GRIK1: variants seen among roughly 807,000 people sequenced by gnomAD.
GRIK1 encodes glutamate receptor ionotropic, kainate 1.
GRIK1 carries 69 observed loss-of-function variants against 105.7 expected under a neutral mutation model. That is an observed-to-expected ratio of 0.65 (90% CI 0.54 to 0.80). GRIK1 has a LOEUF of 0.80. GRIK1 is among the 30% of genes least tolerant of loss of function. GRIK1 has a pLI of 0.00. For synonymous variants in GRIK1, 438 were observed against 431.3 expected, an observed-to-expected ratio of 1.02 and a Z score of -0.19; for missense variants, 1,109 against 1,167.3, an observed-to-expected ratio of 0.95 and a Z score of 0.73.
chr21:29,549,679 G>T (rs9982017), intron 16 of GRIK1, among the ~76,000 whole-genome samples: 130,975 of 152,080 alleles, frequency 0.86, 56,851 homozygotes, highest in African/African-American at 0.96. Flanking sequence ...AAAAAAAATT[G>T]TTTTCCTTTC....
At chr21:29,580,282 A>T (rs978636470) in intron 13 of GRIK1, among the ~76,000 whole-genome samples, 1 of 151,624 alleles carries the variant, frequency 6.6e-6, no homozygotes, top group Non-Finnish European at 1.5e-5. Flanking sequence ...AATTAAATAC[A>T]TGGGTAAAGT....
intron 1 of GRIK1, among the ~76,000 whole-genome samples, chr21:29,792,168 A>G (rs2066436787): frequency 6.6e-6 from 1 of 152,146 alleles, no homozygotes; most frequent in Non-Finnish European, 1.5e-5. Context: ...GTGTATATGT[A>G]TGTGTATATG....
At chr21:29,831,363 C>T (rs190292681) in intron 1 of GRIK1, among the ~76,000 whole-genome samples, 77 of 152,246 alleles carry the variant, frequency 5.1e-4, no homozygotes, top group East Asian at 9.7e-4. Context: ...CTTTTGCATA[C>T]GCTATGCCTT....
intron 1 of GRIK1, among the ~76,000 whole-genome samples, chr21:29,812,585 T>G (rs2067040324): frequency 1.3e-5 from 2 of 152,178 alleles, no homozygotes; most frequent in African/African-American, 4.8e-5. Context: ...AGATCAGGGT[T>G]CCAAACTTGT....
At chr21:29,716,157 T>A (rs999232798) in intron 1 of GRIK1, among the ~76,000 whole-genome samples, 9 of 152,274 alleles carry the variant, frequency 5.9e-5, no homozygotes, top group African/African-American at 2.2e-4. Context: ...GATTGTAAGT[T>A]TCCTGAGGCC....
intron 16 of GRIK1, among the ~76,000 whole-genome samples, chr21:29,543,757 GAAATA>G (rs2090008040): frequency 6.6e-6 from 1 of 152,214 alleles, no homozygotes; most frequent in African/African-American, 2.4e-5. Context: ...TCTAGCCACT[GAAATA>G]AAATGTACAA....
chr21:29,939,320 T>C, intron 1 of GRIK1, 63 bp downstream of exon 1: 1 of 993,830 alleles, frequency 1.0e-6, no homozygotes, highest in Admixed American at 2.0e-5. Flanking sequence ...CGGGACCCGC[T>C]ACACCCGCGT....
chr21:29,826,064 C>A (rs570810655), intron 1 of GRIK1, among the ~76,000 whole-genome samples: 2 of 152,218 alleles, frequency 1.3e-5, no homozygotes, highest in East Asian at 3.9e-4. Flanking sequence ...AAGTGTAATG[C>A]ACAGAGCTTG....
intron 3 of GRIK1, among the ~76,000 whole-genome samples, chr21:29,675,571 T>G (rs2063249671): frequency 2.0e-5 from 3 of 152,190 alleles, no homozygotes; most frequent in Non-Finnish European, 4.4e-5. Flanking sequence ...TTCTCACTTC[T>G]TTCATTTATT....
chr21:29,648,399 A>G (rs1443394898), intron 6 of GRIK1, among the ~76,000 whole-genome samples: 1 of 152,202 alleles, frequency 6.6e-6, no homozygotes, highest in Non-Finnish European at 1.5e-5. Context: ...AATCATGCAC[A>G]TTCACATATA....
At chr21:29,754,096 CTG>C (rs1041347113) in intron 1 of GRIK1, among the ~76,000 whole-genome samples, 1 of 152,136 alleles carries the variant, frequency 6.6e-6, no homozygotes, top group African/African-American at 2.4e-5. Context: ...GGTGACAACT[CTG>C]TGTGTAAATT....
At chr21:29,745,525 A>G (rs1474114061) in intron 1 of GRIK1, among the ~76,000 whole-genome samples, 1 of 152,266 alleles carries the variant, frequency 6.6e-6, no homozygotes, top group Non-Finnish European at 1.5e-5. Flanking sequence ...GACAACTAAT[A>G]CACTTGACTT....
At chr21:29,715,872 A>G (rs2064165008) in intron 1 of GRIK1, among the ~76,000 whole-genome samples, 1 of 152,144 alleles carries the variant, frequency 6.6e-6, no homozygotes, top group Admixed American at 6.6e-5. Flanking sequence ...TCCTTACAAT[A>G]CATTACTTTA....
intron 4 of GRIK1, among the ~76,000 whole-genome samples, chr21:29,655,301 G>A (rs865918629): frequency 1.3e-5 from 2 of 152,080 alleles, no homozygotes; most frequent in Non-Finnish European, 2.9e-5. Context: ...CCAGCTACTC[G>A]GGAGGCTGAG....
At chr21:29,719,081 C>CATATATATATATATATAT (rs71335089) in intron 1 of GRIK1, among the ~76,000 whole-genome samples, 13 of 143,328 alleles carry the variant, frequency 9.1e-5, no homozygotes, top group African/African-American at 1.8e-4. Context: ...TGTGTATATA[C>CATATATATATATATATAT]ATATATATAT....
intron 8 of GRIK1, among the ~76,000 whole-genome samples, chr21:29,597,100 T>C (rs1481211726): frequency 6.6e-6 from 1 of 152,202 alleles, no homozygotes; most frequent in Non-Finnish European, 1.5e-5. Context: ...TAATTTTCCC[T>C]ATTGACTCCA....
At chr21:29,916,556 G>T (rs936778337) in intron 1 of GRIK1, among the ~76,000 whole-genome samples, 2 of 151,866 alleles carry the variant, frequency 1.3e-5, no homozygotes, top group African/African-American at 4.8e-5. Flanking sequence ...AAAGGGGCTT[G>T]GAGGGAGGGA....
intron 1 of GRIK1, among the ~76,000 whole-genome samples, chr21:29,773,294 G>A (rs1055077488): frequency 6.6e-6 from 1 of 152,146 alleles, no homozygotes; most frequent in African/African-American, 2.4e-5. Flanking sequence ...TTTTCTCTAG[G>A]CTTCAACTCA....
At chr21:29,822,684 A>G (rs2067337974) in intron 1 of GRIK1, among the ~76,000 whole-genome samples, 1 of 152,020 alleles carries the variant, frequency 6.6e-6, no homozygotes, top group Non-Finnish European at 1.5e-5. Flanking sequence ...GAGTTCCAGC[A>G]GTTACCTTGG....
Sources: allele counts gnomAD v4.1 joint callset (sites outside exome capture counted in the v4.1 genomes callset), GRCh38; gene constraint gnomAD v4.1.1; transcripts MANE v1.5; gene names NCBI Gene and HGNC (gene_info 2026-07-23, HGNC 2026-07-21).